The following RAD51B variants were observed in gnomAD, a reference collection of about 807,000 sequenced individuals.
RAD51B encodes RAD51 paralog B, also known as DNA repair protein RAD51 homolog 2.
RAD51B carries 38 observed loss-of-function variants against 42.2 expected under a neutral mutation model. The ratio of observed to expected loss-of-function variants is 0.90; its 90% CI spans 0.70 to 1.18. The LOEUF (loss-of-function observed/expected upper bound fraction) is 1.18. Among genes scored for constraint, RAD51B ranks in the 50% most tolerant of loss-of-function variants. The pLI, the probability that RAD51B is intolerant of heterozygous loss-of-function variation, is 0.00. For missense variants in RAD51B, 373 were observed against 400.7 expected, an observed-to-expected ratio of 0.93 and a Z score of 0.59; for synonymous variants, 154 against 145.2, an observed-to-expected ratio of 1.06 and a Z score of -0.43.
intron 7 of RAD51B, among the ~76,000 whole-genome samples, chr14:67,895,961 C>T (rs944225690): frequency 2.0e-5 from 3 of 152,166 alleles, no homozygotes; most frequent in Admixed American, 2.0e-4. Context: ...ATTCTACCTT[C>T]TTTTGTAGTA....
chr14:68,670,845 G>T (rs922923941), intron 11 of RAD51B, among the ~76,000 whole-genome samples: 2 of 152,128 alleles, frequency 1.3e-5, no homozygotes, highest in African/African-American at 4.8e-5. Flanking sequence ...TCTTATCACT[G>T]CCAGCTCTCC....
At chr14:68,242,486 C>G (rs1405310526) in intron 7 of RAD51B, among the ~76,000 whole-genome samples, 4 of 152,196 alleles carry the variant, frequency 2.6e-5, no homozygotes, top group Non-Finnish European at 5.9e-5. Context: ...AAAAATAAAG[C>G]TCCTTTTTTC....
rs557855846 is a variant in RAD51B at position 68,625,385 on chromosome 14, A to C, written c.1037-25396A>C. On this transcript the variant is annotated intron_variant, in intron 10 of 11. Coordinates refer to the RAD51B transcript ENST00000488612. ...AAAATAATGTTTATTGGCAGAATGA[A>C]GGACCGCCTCCCAAGCTGCCCTCAT... Among the ~76,000 whole-genome samples, 10 of 152,308 alleles carry C rather than the reference A, an allele frequency of 6.6e-5. No homozygotes were observed. The East Asian group carries it at 1.9e-3, about 29-fold the overall frequency.
At chr14:68,130,590 A>G (rs2077867002) in intron 7 of RAD51B, among the ~76,000 whole-genome samples, 1 of 152,242 alleles carries the variant, frequency 6.6e-6, no homozygotes, top group Non-Finnish European at 1.5e-5. Flanking sequence ...CAGAAATTCA[A>G]ACAAAATGTC....
intron 8 of RAD51B, among the ~76,000 whole-genome samples, chr14:68,345,774 C>T (rs1007401987): frequency 6.6e-6 from 1 of 152,094 alleles, no homozygotes; most frequent in Non-Finnish European, 1.5e-5. Flanking sequence ...GACTCTCATG[C>T]TTCAGCCACC....
At chr14:68,030,439 T>C (rs574714001) in intron 7 of RAD51B, among the ~76,000 whole-genome samples, 2 of 152,346 alleles carry the variant, frequency 1.3e-5, no homozygotes, top group Admixed American at 1.3e-4. Context: ...TTCTATAATA[T>C]GTTATGGAAT....
chr14:68,325,777 A>G (rs773570153), intron 8 of RAD51B, among the ~76,000 whole-genome samples: 9 of 152,006 alleles, frequency 5.9e-5, no homozygotes, highest in Non-Finnish European at 1.0e-4. Flanking sequence ...GTGAAAGGGA[A>G]CCCAGGCATA....
chr14:68,537,473 T>A (rs556430132), intron 10 of RAD51B, among the ~76,000 whole-genome samples: 1 of 146,932 alleles, frequency 6.8e-6, no homozygotes, highest in Admixed American at 6.9e-5. Flanking sequence ...TACTCCAGCC[T>A]GGGCGACAGA....
At chr14:68,485,069 G>A (rs1391647310) in intron 10 of RAD51B, among the ~76,000 whole-genome samples, 2 of 152,184 alleles carry the variant, frequency 1.3e-5, no homozygotes, top group Non-Finnish European at 2.9e-5. Flanking sequence ...TAAGGAAGTC[G>A]CTGAAAACAT....
intron 7 of RAD51B, among the ~76,000 whole-genome samples, chr14:68,176,695 G>A (rs904503887): frequency 6.6e-6 from 1 of 152,090 alleles, no homozygotes; most frequent in African/African-American, 2.4e-5. Context: ...TTCTGAGCAG[G>A]TCATTTTGAA....
rs1393677265 is a variant in RAD51B at position 68,301,595 on chromosome 14, T to G, written c.853+9615T>G. 1.2e-4 allele frequency among the ~76,000 whole-genome samples: 4 copies of G among 34,242 alleles called. No individual in the cohort carries two copies. In the East Asian group the frequency reaches 1.9e-3, roughly 16 times the overall value. 22.5% of individuals were successfully genotyped at this position (34,242 alleles called of 152,430 possible). A position where few individuals can be genotyped will look rare whatever the true frequency, so the allele number is the denominator to read the frequency against. Reference sequence around the variant, plus strand: ...GAGGTTTTTTTTTTGTTTGTGTGTTTTTTTTTTTTTTTTTTTTTTGAGACA... The same window carrying G: ...GAGGTTTTTTTTTTGTTTGTGTGTTGTTTTTTTTTTTTTTTTTTTGAGACA... On this transcript the variant is annotated intron_variant, in intron 8 of 10. Coordinates refer to ENST00000471583, the MANE Select transcript of RAD51B (RefSeq NM_133510.4).
chr14:67,844,408 T>G (rs992496315), intron 4 of RAD51B, among the ~76,000 whole-genome samples: 3 of 151,808 alleles, frequency 2.0e-5, no homozygotes, highest in African/African-American at 7.2e-5. Flanking sequence ...AATTTATTAG[T>G]TTTCTGTCTT....
intron 8 of RAD51B, among the ~76,000 whole-genome samples, chr14:68,335,926 G>T (rs191387424): frequency 6.6e-6 from 1 of 152,222 alleles, no homozygotes; most frequent in Non-Finnish European, 1.5e-5. Context: ...CTACATTCAA[G>T]AAGCAGTATA....
chr14:68,645,064 T>A (rs79456454), intron 10 of RAD51B, among the ~76,000 whole-genome samples: 2,488 of 152,270 alleles, frequency 0.016, 33 homozygotes, highest in Middle Eastern at 0.048. Flanking sequence ...TACATTCATA[T>A]TATTGTGCAA....
At chr14:67,962,845 A>G (rs2074697852) in intron 7 of RAD51B, among the ~76,000 whole-genome samples, 1 of 152,204 alleles carries the variant, frequency 6.6e-6, no homozygotes, top group South Asian at 2.1e-4. Context: ...ATGGCAAAGT[A>G]AAACAAATAT....
chr14:68,229,782 G>A (rs557019673), intron 7 of RAD51B, among the ~76,000 whole-genome samples: 1 of 152,308 alleles, frequency 6.6e-6, no homozygotes, highest in South Asian at 2.1e-4. Flanking sequence ...CAAGATCCTG[G>A]CTCTAGTTTG....
chr14:68,426,977 C>T (rs1347390203), intron 9 of RAD51B, among the ~76,000 whole-genome samples: 1 of 152,188 alleles, frequency 6.6e-6, no homozygotes, highest in Admixed American at 6.5e-5. Context: ...TTCTCTGCCA[C>T]CCAGTCATAG....
chr14:68,636,640 G>A (rs1892347189), intron 10 of RAD51B, among the ~76,000 whole-genome samples: 1 of 151,758 alleles, frequency 6.6e-6, no homozygotes, highest in Non-Finnish European at 1.5e-5. Flanking sequence ...TTCTGGACCA[G>A]GCATTGGAAA....
At chr14:68,043,132 G>A (rs192223623) in intron 7 of RAD51B, among the ~76,000 whole-genome samples, 37 of 152,256 alleles carry the variant, frequency 2.4e-4, no homozygotes, top group Non-Finnish European at 4.9e-4. Flanking sequence ...TATTTACCTA[G>A]AGCTTCAGTT....
Sources: allele counts gnomAD v4.1 joint callset (sites outside exome capture counted in the v4.1 genomes callset), GRCh38; gene constraint gnomAD v4.1.1; transcripts MANE v1.5; gene names NCBI Gene and HGNC (gene_info 2026-07-23, HGNC 2026-07-21).